The following ECE1 variants were observed in gnomAD, a reference collection of about 807,000 sequenced individuals.
ECE1 encodes endothelin converting enzyme 1.
Under a neutral mutation model 98.6 loss-of-function variants are expected in ECE1, and 35 were observed. The observed-to-expected ratio is 0.35, with a 90% CI of 0.27 to 0.47. The LOEUF is 0.47. Ranked by LOEUF, ECE1 falls within the 20% of genes least tolerant of loss-of-function variation. The probability of loss-of-function intolerance (pLI) is 1.00; values close to 1 mark genes in which losing one functional copy is unlikely to be tolerated. For synonymous variants in ECE1, 394 were observed against 407.1 expected (o/e 0.97, Z 0.39); for missense variants, 814 against 1,025.3 (o/e 0.79, Z 2.81).
In ECE1 at chr1:21,345,351, C is replaced by G. The variant is rs1391833428; in HGVS notation, c.3+25G>C. ...ACCGTCGAGGCTGGGCTGGACCGGA[C>G]CAGACCTCCGCGCGCAGCACTCACC... On this transcript the variant is annotated intron_variant, in intron 1 of 18. Transcript: ENST00000415912. The surrounding 1 kb of genome is among the most constrained non-coding windows in gnomAD (Gnocchi z 5.1). The G allele has an allele frequency of 2.2e-6, 3 of 1,360,918 alleles. No individual in the cohort carries two copies. Among genetic ancestry groups the G allele is most frequent in the East Asian group, 3.3e-5 (1 of 30,180 alleles). 84.3% of individuals were successfully genotyped at this position (1,360,918 alleles called of 1,614,324 possible).
intron 2 of ECE1, among the ~76,000 whole-genome samples, chr1:21,281,760 G>C (rs192762572): frequency 6.6e-6 from 1 of 152,280 alleles, no homozygotes; most frequent in Non-Finnish European, 1.5e-5. Flanking sequence ...GCAATGGCAC[G>C]ATCTCGGCTC....
intron 4 of ECE1, among the ~76,000 whole-genome samples, chr1:21,263,683 C>A (rs1026940765): frequency 2.0e-5 from 3 of 151,508 alleles, no homozygotes; most frequent in Non-Finnish European, 4.4e-5. Context: ...TAAAGGAAAT[C>A]GGGCAGGTGG....
chr1:21,233,572 G>C lies in ECE1; in HGVS notation c.1656C>G (p.Ala552=). The C allele has an allele frequency of 1.9e-6, 3 of 1,613,646 alleles. No homozygotes were observed. Among genetic ancestry groups the C allele is most frequent in the South Asian group, 2.2e-5 (2 of 91,048 alleles). ...WRVTADQLRK[A]PNRDQWSMTP... Reference sequence around the variant, plus strand: ...GGGGAACTCACTGATCTCTGTTGGGGGCTTTCCTGAGCTGATCGGCAGTGA... The same window carrying C: ...GGGGAACTCACTGATCTCTGTTGGGCGCTTTCCTGAGCTGATCGGCAGTGA... The change falls in exon 14 of 19, where the codon GCC becomes GCG. Residue 552 remains alanine, a synonymous_variant. Transcript: ENST00000374893. This position sits in a 1 kb window ranked among gnomAD's most constrained non-coding sequence, Gnocchi z 4.0.
chr1:21,325,954 T>G (rs904649412), intron 1 of ECE1, among the ~76,000 whole-genome samples: 3 of 152,120 alleles, frequency 2.0e-5, no homozygotes, highest in Non-Finnish European at 2.9e-5. Flanking sequence ...TTTCCAAACT[T>G]GCTGCCAGCT....
rs201120365 is a variant in ECE1 at position 21,340,942 on chromosome 1, C to A, written c.3+4434G>T. ...TATGACCATCCCTGAGTGCACCCTCCGGGCCACCTCCTAAGCACAGTCCTC... is the reference window on the plus strand; with the variant it reads ...TATGACCATCCCTGAGTGCACCCTCAGGGCCACCTCCTAAGCACAGTCCTC... On this transcript the variant is annotated intron_variant, in intron 1 of 18. Transcript: ENST00000415912. This position sits in a 1 kb window ranked among gnomAD's most constrained non-coding sequence, Gnocchi z 4.6. Among the ~76,000 whole-genome samples, 1 of 151,892 alleles carries A rather than the reference C, an allele frequency of 6.6e-6. No individual in the cohort carries two copies. The highest frequency in any genetic ancestry group is 1.5e-5 in the Non-Finnish European group (1 of 67,960).
At chr1:21,287,543 A>G (rs952390308) in intron 2 of ECE1, among the ~76,000 whole-genome samples, 2 of 152,206 alleles carry the variant, frequency 1.3e-5, no homozygotes, top group Non-Finnish European at 2.9e-5. Flanking sequence ...ATAAATAAAT[A>G]TAAATAAATA....
chr1:21,248,332 C>T (rs539300431), intron 8 of ECE1, among the ~76,000 whole-genome samples: 17 of 152,230 alleles, frequency 1.1e-4, no homozygotes, highest in African/African-American at 3.6e-4. Flanking sequence ...CACCACCATG[C>T]CCACTTAATT....
At chr1:21,311,820 A>G (rs12140917) in intron 1 of ECE1, among the ~76,000 whole-genome samples, 1 of 151,156 alleles carries the variant, frequency 6.6e-6, no homozygotes, top group African/African-American at 2.4e-5. Context: ...TCAAAAAAAA[A>G]TTTTTTTAAA....
At chr1:21,242,363 C>A (rs1173481202) in intron 10 of ECE1, among the ~76,000 whole-genome samples, 4 of 152,172 alleles carry the variant, frequency 2.6e-5, no homozygotes, top group South Asian at 2.1e-4. Context: ...TATGCTTTTT[C>A]CCGAATGAAG....
chr1:21,294,498 GC>G (rs1452093705), upstream of ECE1: 2 of 152,674 alleles, frequency 1.3e-5, no homozygotes, highest in East Asian at 3.8e-4. The surrounding 1 kb of genome is among the most constrained non-coding windows in gnomAD (Gnocchi z 4.2). Flanking sequence ...CCTGTGGACT[GC>G]CCCGTCCTCA....
chr1:21,312,859 C>T (rs1376525131), intron 1 of ECE1, among the ~76,000 whole-genome samples: 1 of 152,138 alleles, frequency 6.6e-6, no homozygotes. Context: ...TAGCCCCACT[C>T]TCATAGGTAG....
intron 8 of ECE1, among the ~76,000 whole-genome samples, chr1:21,254,068 CAAAAA>C (rs57691016): frequency 0.2 from 19,823 of 98,864 alleles, 1,682 homozygotes; most frequent in Non-Finnish European, 0.25. Context: ...GACTTTGTCT[CAAAAA>C]AAAAAAAAAA....
intron 1 of ECE1, among the ~76,000 whole-genome samples, chr1:21,330,883 G>A (rs111925063): frequency 0.018 from 2,679 of 152,260 alleles, 77 homozygotes; most frequent in African/African-American, 0.06. Flanking sequence ...TTTGCTGGCT[G>A]CAAAGGACTC....
intron 1 of ECE1, among the ~76,000 whole-genome samples, chr1:21,328,177 T>A (rs2103409449): frequency 1.3e-5 from 2 of 152,308 alleles, no homozygotes; most frequent in East Asian, 3.9e-4. Flanking sequence ...TTCTCTCCAT[T>A]TATTTGCCTG....
intron 4 of ECE1, among the ~76,000 whole-genome samples, chr1:21,269,365 T>C (rs1054287676): frequency 2.6e-5 from 4 of 152,222 alleles, no homozygotes; most frequent in African/African-American, 7.2e-5. Flanking sequence ...CATAGCTGTA[T>C]TCTGCACCTC....
rs150801037 is a variant in ECE1 at position 21,267,475 on chromosome 1, C to G, written c.493+5224G>C. ...ACTCCCATTTTTAAAACCATAAGAT[C>G]TTGTGAGACTTATTCACTATCACAA... On this transcript the variant is annotated intron_variant, in intron 4 of 18. Transcript: ENST00000374893. Among the ~76,000 whole-genome samples, 54 of 152,282 alleles carry G rather than the reference C, an allele frequency of 3.5e-4. No homozygotes were observed. In the East Asian group the frequency reaches 0.01, roughly 28 times the overall value.
At chr1:21,253,841 C>T (rs186096324) in intron 8 of ECE1, among the ~76,000 whole-genome samples, 216 of 149,992 alleles carry the variant, frequency 1.4e-3, no homozygotes, top group African/African-American at 4.8e-3. Context: ...GACGCCGAGG[C>T]GGGTGGATTA....
At chr1:21,244,308 G>T (rs1018243270) in intron 10 of ECE1, among the ~76,000 whole-genome samples, 1 of 152,194 alleles carries the variant, frequency 6.6e-6, no homozygotes, top group Non-Finnish European at 1.5e-5. Context: ...GGGCTCTCGG[G>T]GTACAGACCC....
chr1:21,223,280 GTTTTAT>G (rs1040110913), intron 17 of ECE1, among the ~76,000 whole-genome samples: 1 of 150,338 alleles, frequency 6.7e-6, no homozygotes, highest in African/African-American at 2.4e-5. Flanking sequence ...GAGGACTCTT[GTTTTAT>G]TTTTATTTAT....
Sources: gnomAD v4.1 joint callset for allele counts (sites outside exome capture counted in the v4.1 genomes callset) on GRCh38, gnomAD v4.1.1 for gene constraint, Gnocchi (gnomAD v3.1) non-coding constraint, MANE v1.5 for transcripts, NCBI Gene and HGNC (gene_info 2026-07-23, HGNC 2026-07-21) for gene names.